ADGRL3: variants seen among roughly 807,000 people sequenced by gnomAD.
ADGRL3 encodes the protein calcium-independent alpha-latrotoxin receptor 3.
ADGRL3 carries 62 observed loss-of-function variants against 153.5 expected under a neutral mutation model. The ratio of observed to expected loss-of-function variants is 0.40; its 90% confidence interval spans 0.33 to 0.50. The LOEUF is 0.50. ADGRL3 is among the 20% of genes least tolerant of loss of function. The pLI is 0.47. For synonymous variants in ADGRL3, 710 were observed against 672.5 expected, an observed-to-expected ratio of 1.06 and a Z score of -0.86; for missense variants, 1,641 against 1,859.4, an observed-to-expected ratio of 0.88 and a Z score of 2.16.
chr4:61,989,969 A>G (rs997972561), intron 19 of ADGRL3, among the ~76,000 whole-genome samples: 13 of 152,082 alleles, frequency 8.5e-5, no homozygotes, highest in African/African-American at 1.2e-4. Flanking sequence ...GTAGCTAGCT[A>G]CTTCAGAAAA....
intron 5 of ADGRL3, among the ~76,000 whole-genome samples, chr4:61,608,519 T>A (rs960838000): frequency 3.3e-5 from 5 of 152,200 alleles, no homozygotes; most frequent in Admixed American, 1.3e-4. Flanking sequence ...TGCAAACTCA[T>A]TCAGTCCACA....
At chr4:61,989,981 C>T (rs371953491) in intron 19 of ADGRL3, among the ~76,000 whole-genome samples, 3 of 151,894 alleles carry the variant, frequency 2.0e-5, no homozygotes, top group Non-Finnish European at 4.4e-5. Flanking sequence ...TTCAGAAAAT[C>T]GTTTCACAGA....
chr4:61,701,550 T>A (rs1019200941), intron 6 of ADGRL3, among the ~76,000 whole-genome samples: 1 of 149,076 alleles, frequency 6.7e-6, no homozygotes. Context: ...TTATCCTGCC[T>A]CAGCCTCCCA....
intron 5 of ADGRL3, among the ~76,000 whole-genome samples, chr4:61,670,914 G>A (rs551566660): frequency 2.6e-5 from 4 of 152,216 alleles, no homozygotes; most frequent in South Asian, 2.1e-4. Flanking sequence ...GGATGTCCTC[G>A]GTCCTTGTCT....
At chr4:61,291,805 G>A (rs774400352) in intron 1 of ADGRL3, among the ~76,000 whole-genome samples, 31 of 148,180 alleles carry the variant, frequency 2.1e-4, no homozygotes, top group Non-Finnish European at 3.9e-4. Context: ...AAATGGAGAC[G>A]TTCTATATGC....
chr4:61,628,093 A>G (rs1233319064), intron 5 of ADGRL3, among the ~76,000 whole-genome samples: 1 of 152,184 alleles, frequency 6.6e-6, no homozygotes, highest in Non-Finnish European at 1.5e-5. Context: ...ATAGCAGCTA[A>G]TACTTACATA....
At position 61,200,666 on chromosome 4, in the gene ADGRL3, G is replaced by T. The variant is rs1255572619; in HGVS notation, c.-1339G>T. 6.6e-6 allele frequency among the ~76,000 whole-genome samples: 1 copy of T among 152,012 alleles called. No homozygotes were observed. Among genetic ancestry groups the T allele is most frequent in the Admixed American group, 6.5e-5 (1 of 15,276 alleles). ...TCTTCCTACGGGTGTGCGCGCGCGC[G>T]GGTTGCACGGTTTGCTTTGGCAGGA... On this transcript the variant is annotated 5_prime_UTR_variant, in exon 1 of 27. Coordinates refer to ENST00000683033, the MANE Select transcript of ADGRL3 (RefSeq NM_001387552.1).
At chr4:61,369,807 C>T (rs1386439120) in intron 1 of ADGRL3, among the ~76,000 whole-genome samples, 2 of 152,008 alleles carry the variant, frequency 1.3e-5, no homozygotes, top group Non-Finnish European at 2.9e-5. Flanking sequence ...AGGAATGGTA[C>T]CAGTTCCTCC....
chr4:61,892,469 A>G (rs1032979915), intron 9 of ADGRL3, among the ~76,000 whole-genome samples, 187 bp from the exon 10 acceptor site: 2 of 152,148 alleles, frequency 1.3e-5, no homozygotes, highest in Non-Finnish European at 2.9e-5. Context: ...TTGATACTCA[A>G]GTGGCATCCT....
intron 9 of ADGRL3, among the ~76,000 whole-genome samples, chr4:61,820,512 A>G (rs549346801): frequency 6.6e-6 from 1 of 152,344 alleles, no homozygotes; most frequent in Non-Finnish European, 1.5e-5. Flanking sequence ...ATTCAGCATT[A>G]TAGTAATTCC....
intron 21 of ADGRL3, among the ~76,000 whole-genome samples, chr4:62,007,820 A>G (rs1303090941): frequency 6.6e-6 from 1 of 151,914 alleles, no homozygotes; most frequent in Admixed American, 6.6e-5. Flanking sequence ...GAGACTGGGT[A>G]AGATATTGAG....
In ADGRL3 at chr4:61,756,661, A is replaced by G. The variant is rs146118907; in HGVS notation, c.1399+23107A>G. Among the ~76,000 whole-genome samples, 343 of 152,274 alleles carry G rather than the reference A, an allele frequency of 2.3e-3. 1 individual carries two copies. The highest frequency in any genetic ancestry group is 7.7e-3 in the African/African-American group (318 of 41,560). On this transcript the variant is annotated intron_variant, in intron 8 of 26. Coordinates refer to ENST00000683033, the MANE Select transcript of ADGRL3 (RefSeq NM_001387552.1). ...GCCAGAACTTCCAACACTGTGTTGA[A>G]TAGGAGTGGTGAAAAAGGGCATCCC... is the stretch of plus-strand genomic sequence containing the variant.
rs1307209532 is a variant in ADGRL3 at position 61,608,420 on chromosome 4, A to G, written c.473+20980A>G. On this transcript the variant is annotated intron_variant, in intron 5 of 26. Transcript: ENST00000683033. ...AAAACCCTCTTACAGTTGACATTATAAGTAAACTGAATTAAAAACCAAACA... is the reference window on the plus strand; with the variant it reads ...AAAACCCTCTTACAGTTGACATTATGAGTAAACTGAATTAAAAACCAAACA... Among the ~76,000 whole-genome samples the G allele has an allele frequency of 2.6e-5, 4 of 152,342 alleles. No individual in the cohort carries two copies. In the East Asian group the frequency reaches 7.7e-4, roughly 29 times the overall value.
intron 24 of ADGRL3, among the ~76,000 whole-genome samples, chr4:62,042,630 A>T (rs1315234912): frequency 1.3e-5 from 2 of 152,016 alleles, no homozygotes; most frequent in African/African-American, 4.8e-5. Context: ...ATATCACCTA[A>T]CAATAATAAC....
intron 19 of ADGRL3, among the ~76,000 whole-genome samples, chr4:61,995,294 A>G (rs1445805532): frequency 6.6e-6 from 1 of 151,972 alleles, no homozygotes; most frequent in Non-Finnish European, 1.5e-5. Flanking sequence ...TGAATAGAAA[A>G]TATTGTATTT....
intron 6 of ADGRL3, among the ~76,000 whole-genome samples, chr4:61,711,457 ATTATATATAT>A (rs1285370045): frequency 4.6e-5 from 2 of 43,862 alleles, no homozygotes; most frequent in African/African-American, 1.8e-4. Context: ...CATATGCTTC[ATTATATATAT>A]ATATATATAT....
intron 1 of ADGRL3, among the ~76,000 whole-genome samples, chr4:61,317,079 A>G (rs1175883580): frequency 6.6e-6 from 1 of 152,216 alleles, no homozygotes; most frequent in Non-Finnish European, 1.5e-5. Flanking sequence ...GAAAGGTATA[A>G]GAGAGGAGTA....
chr4:61,456,449 A>G (rs2097753844), intron 2 of ADGRL3, among the ~76,000 whole-genome samples: 1 of 121,524 alleles, frequency 8.2e-6, no homozygotes, highest in African/African-American at 3.2e-5. Context: ...AGATATATCT[A>G]TATCTATATA....
At chr4:61,336,099 G>A (rs2095668988) in intron 1 of ADGRL3, among the ~76,000 whole-genome samples, 1 of 152,066 alleles carries the variant, frequency 6.6e-6, no homozygotes, top group African/African-American at 2.4e-5. Flanking sequence ...TATTCTACAT[G>A]TACTTATTTA....
Sources: gnomAD v4.1 joint callset for allele counts (sites outside exome capture counted in the v4.1 genomes callset) on GRCh38, gnomAD v4.1.1 for gene constraint, MANE v1.5 for transcripts, NCBI Gene and HGNC (gene_info 2026-07-23, HGNC 2026-07-21) for gene names.